The following DOCK8 variants were observed in gnomAD, a reference collection of about 807,000 sequenced individuals.
The protein encoded by DOCK8 is dedicator of cytokinesis protein 8.
In DOCK8, 141 loss-of-function variants were observed where a neutral mutation model predicts 245.6. The observed-to-expected ratio is 0.57, with a 90% CI of 0.50 to 0.66. The LOEUF is 0.66. DOCK8 is among the 30% of genes least tolerant of loss of function. The pLI is 0.00. For synonymous variants in DOCK8, 1,168 were observed against 970.2 expected (o/e 1.20, Z -3.79); for missense variants, 2,965 against 2,603.4 (o/e 1.14, Z -3.02).
chr9:336,583 G>GAGA lies in DOCK8; in HGVS notation c.1290_1292dup (p.Arg430dup). 1.9e-6 allele frequency: 3 copies of GAGA among 1,614,184 alleles called. No homozygotes were observed. Among genetic ancestry groups the GAGA allele is most frequent in the Non-Finnish European group, 2.5e-6 (3 of 1,180,016 alleles). On this transcript the variant is annotated inframe_insertion and splice_region_variant, in exon 12 of 48. Coordinates refer to ENST00000432829, the MANE Select transcript of DOCK8 (RefSeq NM_203447.4). ...GAGTGACAATTGTTTTTCTTAAAGG[G>GAGA]AGAAGCTCAGTGGGTGAACGGAGGA...
At chr9:413,833 C>G (rs890004946) in intron 28 of DOCK8, among the ~76,000 whole-genome samples, 2 of 152,196 alleles carry the variant, frequency 1.3e-5, no homozygotes, top group East Asian at 3.8e-4. Flanking sequence ...AAACAACTTG[C>G]TGATTCCTCT....
At chr9:463,405 G>A in intron 46 of DOCK8, 112 bp from the exon 47 acceptor site, 1 of 1,349,430 alleles carries the variant, frequency 7.4e-7, no homozygotes. Context: ...ATGCCACCCA[G>A]TTTGAAAACG....
At chr9:271,464 C>G (rs1247941957) in intron 1 of DOCK8, among the ~76,000 whole-genome samples, 163 bp from the exon 2 acceptor site, 1 of 152,170 alleles carries the variant, frequency 6.6e-6, no homozygotes, top group African/African-American at 2.4e-5. Context: ...CTGACAAAAA[C>G]TACGATGTCC....
At chr9:283,564 C>T (rs1364273795) in intron 2 of DOCK8, among the ~76,000 whole-genome samples, 1 of 152,168 alleles carries the variant, frequency 6.6e-6, no homozygotes, top group African/African-American at 2.4e-5. Context: ...CTTCCCACCT[C>T]TCCAAGCCTT....
intron 1 of DOCK8, among the ~76,000 whole-genome samples, chr9:258,592 CTTTTTT>C (rs540266063): frequency 3.0e-5 from 3 of 100,292 alleles, no homozygotes; most frequent in Admixed American, 1.2e-4. Flanking sequence ...TGAAGAGACT[CTTTTTT>C]TTTTTTTTTT....
intron 28 of DOCK8, 129 bp from the exon 29 acceptor site, chr9:414,653 A>G: frequency 9.1e-7 from 1 of 1,103,950 alleles, no homozygotes; most frequent in Non-Finnish European, 1.4e-6. Flanking sequence ...ATGTAGTTCT[A>G]TCCTATATTG....
chr9:419,980 C>T (rs2056206685), intron 30 of DOCK8: 1 of 268,316 alleles, frequency 3.7e-6, no homozygotes, highest in African/African-American at 2.2e-5. Flanking sequence ...AGCCAGTTTC[C>T]TTCTCCCCTG....
chr9:361,239 G>T (rs927252990), intron 14 of DOCK8, among the ~76,000 whole-genome samples: 62 of 152,250 alleles, frequency 4.1e-4, no homozygotes, highest in African/African-American at 1.5e-3. Context: ...GGGAGAGTCT[G>T]AAAGAGAGGC....
chr9:348,772 C>T (rs13289414), intron 14 of DOCK8, among the ~76,000 whole-genome samples: 25,098 of 152,094 alleles, frequency 0.17, 2,258 homozygotes, highest in Non-Finnish European at 0.2. Flanking sequence ...TCTCTTCTGA[C>T]GGGACAGCTT....
rs936474576 is a variant in DOCK8, at chr9:312,001, C to G, written c.576C>G (p.Gly192=). The G allele has an allele frequency of 2.5e-6, 4 of 1,614,034 alleles. No individual in the cohort carries two copies. Among genetic ancestry groups the G allele is most frequent in the Non-Finnish European group, 3.4e-6 (4 of 1,180,040 alleles). ...TGCTGTGCGACGTGTCTGGGAAAGGCCCCGTCACTGCCTGTGACTTTGACC... is the reference window on the plus strand; with the variant it reads ...TGCTGTGCGACGTGTCTGGGAAAGGGCCCGTCACTGCCTGTGACTTTGACC... ...LNVLCDVSGK[G]PVTACDFDLR... The change falls in exon 6 of 48, where the codon GGC becomes GGG. Residue 192 remains glycine (G), a synonymous_variant. Coordinates refer to ENST00000432829, the MANE Select transcript of DOCK8 (RefSeq NM_203447.4).
intron 28 of DOCK8, among the ~76,000 whole-genome samples, chr9:414,444 G>A (rs989581560): frequency 2.6e-5 from 4 of 152,092 alleles, no homozygotes; most frequent in Admixed American, 2.0e-4. Flanking sequence ...TGGATTCTAT[G>A]TAGTTCTATC....
chr9:357,587 A>ATTTTTTTTTTTT lies in DOCK8; in HGVS notation c.1680-10421_1680-10420insTTTTTTTTTTTT, dbSNP rs112232586. 8.3e-4 allele frequency among the ~76,000 whole-genome samples: 122 copies of ATTTTTTTTTTTT among 147,420 alleles called. 2 individuals are homozygous for ATTTTTTTTTTTT. Among genetic ancestry groups the ATTTTTTTTTTTT allele is most frequent in the African/African-American group, 3.0e-3 (119 of 40,088 alleles). ...TAGAGTTTTTAAACAATTTGATACC[A>ATTTTTTTTTTTT]TTTTTTTTTTCTGGCGTCTTAACTG... On this transcript the variant is annotated intron_variant, in intron 14 of 47. Coordinates refer to ENST00000432829, the MANE Select transcript of DOCK8 (RefSeq NM_203447.4).
chr9:228,828 A>G (rs917019971), intron 1 of DOCK8, among the ~76,000 whole-genome samples: 2 of 152,190 alleles, frequency 1.3e-5, no homozygotes, highest in African/African-American at 4.8e-5. Flanking sequence ...TCCTGTAGAC[A>G]TTCACATGGC....
intron 2 of DOCK8, among the ~76,000 whole-genome samples, chr9:285,553 C>T (rs1331316531): frequency 6.6e-6 from 1 of 152,162 alleles, no homozygotes; most frequent in Non-Finnish European, 1.5e-5. Flanking sequence ...TGACACAAAT[C>T]TACTTGATCT....
intron 34 of DOCK8, among the ~76,000 whole-genome samples, chr9:427,442 A>C (rs1011358547): frequency 1.3e-5 from 2 of 152,176 alleles, no homozygotes; most frequent in Non-Finnish European, 2.9e-5. Flanking sequence ...TTTGGACTTA[A>C]ATTTGTTAAG....
chr9:254,917 C>T (rs2047731551), intron 1 of DOCK8, among the ~76,000 whole-genome samples: 1 of 152,138 alleles, frequency 6.6e-6, no homozygotes, highest in African/African-American at 2.4e-5. Flanking sequence ...ATCAGAATCT[C>T]AGGAGGGTGG....
chr9:359,716 T>A (rs904889462), intron 14 of DOCK8, among the ~76,000 whole-genome samples: 11 of 151,570 alleles, frequency 7.3e-5, no homozygotes, highest in Admixed American at 5.9e-4. Flanking sequence ...GCCAACCTTT[T>A]CCTGTAGTTT....
intron 24 of DOCK8, among the ~76,000 whole-genome samples, chr9:390,795 C>T (rs2054157838): frequency 6.6e-6 from 1 of 152,190 alleles, no homozygotes; most frequent in South Asian, 2.1e-4. Context: ...CACTCTCCAC[C>T]TGGCCACACA....
intron 4 of DOCK8, among the ~76,000 whole-genome samples, chr9:303,445 C>A (rs1475288645): frequency 1.3e-5 from 2 of 152,170 alleles, no homozygotes; most frequent in African/African-American, 4.8e-5. Context: ...CCATGAAATA[C>A]CACACAGCCA....
Sources: gnomAD v4.1 joint callset for allele counts (sites outside exome capture counted in the v4.1 genomes callset) on GRCh38, gnomAD v4.1.1 for gene constraint, MANE v1.5 for transcripts, NCBI Gene and HGNC (gene_info 2026-07-23, HGNC 2026-07-21) for gene names.